Variants in TPTE observed in about 807,000 individuals in gnomAD.
TPTE encodes the protein transmembrane phosphatase with tensin homology.
TPTE carries 59 observed loss-of-function variants against 84.1 expected under a neutral mutation model. The ratio of observed to expected loss-of-function variants is 0.70; its 90% CI spans 0.57 to 0.87. The LOEUF is 0.87. TPTE is among the 40% of genes least tolerant of loss of function. The pLI is 0.00. For missense variants in TPTE, 382 were observed against 659.6 expected, an observed-to-expected ratio of 0.58 and a Z score of 4.61; for synonymous variants, 130 against 223.5, an observed-to-expected ratio of 0.58 and a Z score of 3.73.
intron 7 of TPTE, among the ~76,000 whole-genome samples, chr21:10,549,383 T>A (rs1226761917): frequency 2.6e-5 from 4 of 152,300 alleles, no homozygotes; most frequent in Admixed American, 6.5e-5. Flanking sequence ...ATCATAAACA[T>A]ATGATGTGAC....
rs746149108 is a variant in TPTE at position 10,602,040 on chromosome 21, C to T, written c.1357-18C>T. ...TTATCTAGGTTTATAGTTCTCAATT[C>T]CATGTGTTCATTCATAGGTACTTGA... On this transcript the variant is annotated intron_variant, in intron 21 of 23. Transcript: ENST00000618007. The T allele has an allele frequency of 8.1e-6, 13 of 1,605,038 alleles. No individual in the cohort carries two copies. Among genetic ancestry groups the T allele is most frequent in the Non-Finnish European group, 1.1e-5 (13 of 1,171,806 alleles).
At chr21:10,597,964 T>C (rs2075619659) in intron 20 of TPTE, 51 bp from the exon 21 acceptor site, 1 of 1,601,210 alleles carries the variant, frequency 6.2e-7, no homozygotes, top group Non-Finnish European at 8.5e-7. Flanking sequence ...TGAGACATAT[T>C]GATGTTCACG....
chr21:10,534,929 G>A (rs1225269175), intron 3 of TPTE, among the ~76,000 whole-genome samples: 1 of 152,310 alleles, frequency 6.6e-6, no homozygotes, highest in Non-Finnish European at 1.5e-5. Context: ...AGTTTCTAGG[G>A]CTGCTTTAAA....
chr21:10,561,067 C>G lies in TPTE; in HGVS notation c.322C>G (p.Leu108Val), dbSNP rs140748372. ...GVFLVLLDVTLILADLIFTDS... is the reference protein window; with the variant it reads ...GVFLVLLDVTVILADLIFTDS... Reference sequence around the variant, plus strand: ...TTTCCTGGTCTTACTGGATGTCACTCTCATCCTTGCCGACCTAATTTTCAC... The same window carrying G: ...TTTCCTGGTCTTACTGGATGTCACTGTCATCCTTGCCGACCTAATTTTCAC... Residue 108 changes from leucine to valine, a missense_variant, in exon 10 of 24, where the codon CTC (leucine) becomes GTC (valine). By Grantham distance (32) the Leu-to-Val change is conservative (BLOSUM62 1). This residue lies in a region of TPTE where 85 missense variants were observed against 230.9 expected (regional missense o/e 0.37). Coordinates refer to ENST00000618007, the MANE Select transcript of TPTE (RefSeq NM_199261.4). 6.8e-6 allele frequency: 11 copies of G among 1,611,980 alleles called. No homozygotes were observed. The highest frequency in any genetic ancestry group is 6.7e-5 in the African/African-American group (5 of 74,892).
chr21:10,581,417 GA>G (rs1167380016), intron 17 of TPTE, among the ~76,000 whole-genome samples: 1 of 152,308 alleles, frequency 6.6e-6, no homozygotes, highest in Non-Finnish European at 1.5e-5. Flanking sequence ...TGTGCTGAGA[GA>G]GGGTTTACAT....
At chr21:10,554,445 C>T (rs2074639319) in intron 8 of TPTE, among the ~76,000 whole-genome samples, 1 of 152,312 alleles carries the variant, frequency 6.6e-6, no homozygotes, top group Non-Finnish European at 1.5e-5. Context: ...TCTCCCCTCC[C>T]ACACTTAACA....
intron 3 of TPTE, among the ~76,000 whole-genome samples, chr21:10,536,853 A>C (rs1445562222): frequency 1.3e-5 from 2 of 152,308 alleles, no homozygotes; most frequent in East Asian, 1.9e-4. Flanking sequence ...TATGAGACAT[A>C]CTAGAGTGGA....
chr21:10,539,378 A>G (rs1297706825), intron 4 of TPTE, among the ~76,000 whole-genome samples: 1 of 152,308 alleles, frequency 6.6e-6, no homozygotes, highest in African/African-American at 2.4e-5. Flanking sequence ...TTAGGCCCAC[A>G]GCTACTTGCC....
intron 9 of TPTE, among the ~76,000 whole-genome samples, chr21:10,560,367 A>G (rs955018899): frequency 5.2e-5 from 8 of 152,422 alleles, no homozygotes; most frequent in South Asian, 4.1e-4. Context: ...TTGAGCTGCA[A>G]GTTTTTAAAA....
Position 10,553,493 on chromosome 21 carries a change from C to G in TPTE, c.233+777C>G, listed in dbSNP as rs1411869495. Among the ~76,000 whole-genome samples, 3 of 152,286 alleles carry G rather than the reference C, an allele frequency of 2.0e-5. No homozygotes were observed. In the East Asian group the frequency reaches 5.8e-4, roughly 29 times the overall value. ...GCCACTGAATTAAACTGTGTGTCTG[C>G]AGATTAGCTATACGTTTTCTGTAAT... On this transcript the variant is annotated intron_variant, in intron 8 of 23. Transcript: ENST00000618007.
At chr21:10,594,447 T>C (rs372739875) in intron 19 of TPTE, among the ~76,000 whole-genome samples, 1,197 of 150,298 alleles carry the variant, frequency 8.0e-3, no homozygotes, top group South Asian at 0.042. Context: ...TCTCATAATG[T>C]TTTCTTTGTT....
intron 9 of TPTE, 48 bp from the exon 10 acceptor site, chr21:10,560,982 C>G (rs1315207566): frequency 6.3e-7 from 1 of 1,580,038 alleles, no homozygotes; most frequent in East Asian, 2.4e-5. Context: ...GACAAATGCC[C>G]CTTTATCTTT....
chr21:10,540,229 A>G (rs1226421446), intron 4 of TPTE, among the ~76,000 whole-genome samples: 9 of 152,388 alleles, frequency 5.9e-5, no homozygotes, highest in South Asian at 2.1e-4. Flanking sequence ...ACATGTGTCT[A>G]TGCATATACA....
chr21:10,604,849 T>C (rs1219576925), intron 23 of TPTE, among the ~76,000 whole-genome samples: 1 of 152,310 alleles, frequency 6.6e-6, no homozygotes, highest in Non-Finnish European at 1.5e-5. Flanking sequence ...ACATTTAAAT[T>C]TACATCCTAC....
At chr21:10,552,190 C>T (rs1190903056) in intron 7 of TPTE, among the ~76,000 whole-genome samples, 1 of 152,306 alleles carries the variant, frequency 6.6e-6, no homozygotes, top group African/African-American at 2.4e-5. Context: ...AACATAATGC[C>T]ATTGCAAACT....
intron 3 of TPTE, among the ~76,000 whole-genome samples, chr21:10,533,275 A>G (rs2074209955): frequency 1.3e-5 from 2 of 152,310 alleles, no homozygotes; most frequent in Non-Finnish European, 1.5e-5. Flanking sequence ...ATACTTTTAC[A>G]GTTAAGGCTT....
chr21:10,574,657 C>A (rs1269960763), intron 14 of TPTE, among the ~76,000 whole-genome samples: 1 of 152,308 alleles, frequency 6.6e-6, no homozygotes, highest in African/African-American at 2.4e-5. Flanking sequence ...GATAAGCAGG[C>A]AGAGGGTGCG....
At chr21:10,557,642 T>C (rs377088011) in intron 8 of TPTE, among the ~76,000 whole-genome samples, 559 of 152,122 alleles carry the variant, frequency 3.7e-3, no homozygotes, top group African/African-American at 0.013. Flanking sequence ...CAAGCCTGGG[T>C]GGAGGTGGTG....
intron 14 of TPTE, among the ~76,000 whole-genome samples, chr21:10,573,903 C>T (rs1201741741): frequency 2.0e-5 from 3 of 152,312 alleles, no homozygotes; most frequent in East Asian, 1.9e-4. Context: ...GGCCCAGGCT[C>T]AAAATTATAT....
Sources: allele counts gnomAD v4.1 joint callset (sites outside exome capture counted in the v4.1 genomes callset), GRCh38; gene constraint gnomAD v4.1.1; regional missense constraint gnomAD v4.1.1; transcripts MANE v1.5; gene names NCBI Gene and HGNC (gene_info 2026-07-23, HGNC 2026-07-21).